KCNT2: variants seen among roughly 807,000 people sequenced by gnomAD.
KCNT2 encodes potassium sodium-activated channel subfamily T member 2.
Under a neutral mutation model 153.8 loss-of-function variants are expected in KCNT2, and 67 were observed. That is an observed-to-expected ratio of 0.44 (90% confidence interval 0.36 to 0.53). The LOEUF (loss-of-function observed/expected upper bound fraction) is 0.53, where lower values mean the gene tolerates loss of function less well. Among genes scored for constraint, KCNT2 ranks in the 20% least tolerant of loss-of-function variants. KCNT2 has a pLI of 0.00. For synonymous variants in KCNT2, 500 were observed against 458.8 expected, an observed-to-expected ratio of 1.09 and a Z score of -1.15; for missense variants, 975 against 1,354.8, an observed-to-expected ratio of 0.72 and a Z score of 4.40.
intron 14 of KCNT2, among the ~76,000 whole-genome samples, 196 bp from the exon 15 acceptor site, chr1:196,342,424 A>ATATATATATATATATATATATATATATG (rs1553292525): frequency 2.5e-4 from 7 of 27,728 alleles, no homozygotes; most frequent in African/African-American, 3.4e-4. Context: ...TGAATACTAT[A>ATATATATATATATATATATATATATATG]TATATATATA....
intron 12 of KCNT2, among the ~76,000 whole-genome samples, chr1:196,409,148 C>T (rs1270562163): frequency 1.3e-5 from 2 of 150,592 alleles, no homozygotes; most frequent in East Asian, 3.9e-4. Context: ...GAGTTCTTGT[C>T]CATGATTCTT....
rs145743501 is a variant in KCNT2 at position 196,543,003 on chromosome 1, T to C, written c.96-50662A>G. On this transcript the variant is annotated intron_variant, in intron 1 of 27. Coordinates refer to ENST00000294725, the MANE Select transcript of KCNT2 (RefSeq NM_198503.5). ...GTGGAACATTAAGGAATAAAACACGTTCAGAGTAGTGTTAGCAACATAAAT... is the reference window on the plus strand; with the variant it reads ...GTGGAACATTAAGGAATAAAACACGCTCAGAGTAGTGTTAGCAACATAAAT... Among the ~76,000 whole-genome samples the C allele has an allele frequency of 5.4e-4, 82 of 152,254 alleles. 1 individual carries two copies. The highest frequency in any genetic ancestry group is 1.9e-3 in the African/African-American group (79 of 41,576).
intron 1 of KCNT2, among the ~76,000 whole-genome samples, chr1:196,542,328 A>G (rs967312532): frequency 6.6e-6 from 1 of 152,170 alleles, no homozygotes; most frequent in Admixed American, 6.6e-5. Flanking sequence ...TCTTTTCAGG[A>G]CAAGAATATG....
intron 2 of KCNT2, among the ~76,000 whole-genome samples, chr1:196,491,938 A>C (rs1679889623): frequency 1.3e-5 from 2 of 152,062 alleles, no homozygotes; most frequent in African/African-American, 4.8e-5. Context: ...TTTAGAGTTA[A>C]AATGGAAGGA....
chr1:196,279,943 A>G (rs1477561967), intron 25 of KCNT2, among the ~76,000 whole-genome samples: 11 of 152,172 alleles, frequency 7.2e-5, no homozygotes, highest in Admixed American at 7.2e-4. Flanking sequence ...TAATGATCAT[A>G]GAAATTACTG....
At chr1:196,567,156 C>T (rs1358407587) in intron 1 of KCNT2, among the ~76,000 whole-genome samples, 2 of 152,024 alleles carry the variant, frequency 1.3e-5, no homozygotes, top group African/African-American at 4.8e-5. Context: ...CATTATAGAA[C>T]AGTTCACTCT....
At chr1:196,374,394 A>T (rs149924928) in intron 13 of KCNT2, among the ~76,000 whole-genome samples, 1 of 151,952 alleles carries the variant, frequency 6.6e-6, no homozygotes, top group East Asian at 1.9e-4. Context: ...AGTACATGAG[A>T]TAGCATACTA....
At chr1:196,541,524 A>G (rs1656366559) in intron 1 of KCNT2, among the ~76,000 whole-genome samples, 1 of 152,214 alleles carries the variant, frequency 6.6e-6, no homozygotes, top group Non-Finnish European at 1.5e-5. Flanking sequence ...GCGCACAAAC[A>G]TACTCATTGC....
At chr1:196,385,550 A>G (rs1010133289) in intron 13 of KCNT2, among the ~76,000 whole-genome samples, 24 of 152,242 alleles carry the variant, frequency 1.6e-4, no homozygotes, top group Non-Finnish European at 2.8e-4. Flanking sequence ...AAATCGCCAA[A>G]CAGAAAATAA....
intron 26 of KCNT2, among the ~76,000 whole-genome samples, chr1:196,251,150 A>C (rs1655931837): frequency 6.6e-6 from 1 of 152,044 alleles, no homozygotes; most frequent in Admixed American, 6.6e-5. Flanking sequence ...GGATATCTGC[A>C]CTCCCATGTT....
At chr1:196,277,309 C>T (rs969675723) in intron 25 of KCNT2, among the ~76,000 whole-genome samples, 1 of 152,112 alleles carries the variant, frequency 6.6e-6, no homozygotes, top group South Asian at 2.1e-4. Flanking sequence ...TCATGGTGAT[C>T]TGGCTGGATT....
chr1:196,258,567 A>G, intron 25 of KCNT2, 73 bp from the exon 26 acceptor site: 3 of 1,108,508 alleles, frequency 2.7e-6, no homozygotes, highest in Non-Finnish European at 3.9e-6. Context: ...ATAATATTTT[A>G]TTTGCTAATA....
chr1:196,510,675 T>C (rs1346075848), intron 1 of KCNT2, among the ~76,000 whole-genome samples: 1 of 152,210 alleles, frequency 6.6e-6, no homozygotes, highest in Non-Finnish European at 1.5e-5. Flanking sequence ...GTGGGTGTGA[T>C]CGACATGGAA....
rs1246643392 is a variant in KCNT2, at chr1:196,444,776, C to G, written c.639-15019G>C. Among the ~76,000 whole-genome samples, 4 of 151,288 alleles carry G rather than the reference C, an allele frequency of 2.6e-5. No individual in the cohort carries two copies. The East Asian group carries it at 7.8e-4, about 29-fold the overall frequency. On this transcript the variant is annotated intron_variant, in intron 8 of 27. Transcript: ENST00000294725. ...AGAATTTTAAGCAAGAGAATGAAAT[C>G]ATTTGGGAAGTGTTTGAGGTCATCA...
At chr1:196,287,954 T>C (rs916839315) in intron 22 of KCNT2, among the ~76,000 whole-genome samples, 1 of 152,010 alleles carries the variant, frequency 6.6e-6, no homozygotes, top group African/African-American at 2.4e-5. Flanking sequence ...AATTAGGCAG[T>C]AATACATACT....
chr1:196,413,516 CAG>C (rs1672504981), intron 12 of KCNT2, among the ~76,000 whole-genome samples: 1 of 151,506 alleles, frequency 6.6e-6, no homozygotes, highest in Non-Finnish European at 1.5e-5. Context: ...AAGATTTTTG[CAG>C]ATAACTAGCA....
intron 3 of KCNT2, among the ~76,000 whole-genome samples, 153 bp downstream of exon 3, chr1:196,489,685 T>C (rs969099536): frequency 6.6e-6 from 1 of 152,012 alleles, no homozygotes; most frequent in Non-Finnish European, 1.5e-5. Context: ...ACAAGAATTA[T>C]GTAGTGCCTG....
chr1:196,263,256 T>C (rs188653218), intron 25 of KCNT2, among the ~76,000 whole-genome samples: 3 of 152,146 alleles, frequency 2.0e-5, no homozygotes, highest in East Asian at 1.9e-4. Flanking sequence ...ACATATGCCA[T>C]GATGGTTTTG....
chr1:196,405,185 GAAGA>G (rs1671730000), intron 12 of KCNT2, among the ~76,000 whole-genome samples: 1 of 151,008 alleles, frequency 6.6e-6, no homozygotes, highest in Non-Finnish European at 1.5e-5. Context: ...TCTAAAAGCA[GAAGA>G]TTGATTGATT....
Sources: gnomAD v4.1 joint callset for allele counts (sites outside exome capture counted in the v4.1 genomes callset) on GRCh38, gnomAD v4.1.1 for gene constraint, MANE v1.5 for transcripts, NCBI Gene and HGNC (gene_info 2026-07-23, HGNC 2026-07-21) for gene names.